MYO18A: variants seen among roughly 807,000 people sequenced by gnomAD.
MYO18A encodes the protein myosin XVIIIA.
MYO18A carries 78 observed loss-of-function variants against 235.8 expected under a neutral mutation model. The observed-to-expected ratio is 0.33, with a 90% CI of 0.28 to 0.40. MYO18A has a LOEUF of 0.40. Ranked by LOEUF, MYO18A falls within the 10% of genes least tolerant of loss-of-function variation. MYO18A has a pLI of 1.00. For synonymous variants in MYO18A, 977 were observed against 1,077.8 expected (o/e 0.91, Z 1.83); for missense variants, 2,215 against 2,699.3 (o/e 0.82, Z 3.98).
At chr17:29,168,341 G>A (rs1487711955) in intron 1 of MYO18A, among the ~76,000 whole-genome samples, 1 of 152,168 alleles carries the variant, frequency 6.6e-6, no homozygotes, top group African/African-American at 2.4e-5. Context: ...CCAACCCCCT[G>A]CACATCTAAC....
intron 2 of MYO18A, among the ~76,000 whole-genome samples, chr17:29,154,436 T>G (rs2068024628): frequency 6.6e-6 from 1 of 152,206 alleles, no homozygotes. Flanking sequence ...TCAGAAATCC[T>G]GAGGCCAGAA....
chr17:29,119,627 G>C (rs1016234279), intron 7 of MYO18A, among the ~76,000 whole-genome samples, 192 bp from the exon 8 acceptor site: 1 of 146,620 alleles, frequency 6.8e-6, no homozygotes, highest in Non-Finnish European at 1.5e-5. Flanking sequence ...GCAGTGGAGC[G>C]ATCTTGGCTC....
At chr17:29,083,506 C>CACACACACACACA (rs2066168985) in intron 40 of MYO18A, among the ~76,000 whole-genome samples, 3 of 75,954 alleles carry the variant, frequency 3.9e-5, no homozygotes, top group South Asian at 4.3e-4. Flanking sequence ...AAATAAACAG[C>CACACACACACACA]CACACAGGCA....
rs200573372 is a variant in MYO18A, at chr17:29,073,811, C to A, written c.*959G>T. 2 of 1,546,946 alleles carry A rather than the reference C, an allele frequency of 1.3e-6. No individual in the cohort carries two copies. Among genetic ancestry groups the A allele is most frequent in the South Asian group, 2.5e-5 (2 of 81,088 alleles). ...GTGAGGACTCATGTCTAATGAGCAC[C>A]GGCCAAAACTTCCATCTTCAGTTTT... On this transcript the variant is annotated 3_prime_UTR_variant, in exon 42 of 42. Transcript: ENST00000527372.
chr17:29,074,362 CTCCTCCCCCAA>C lies in MYO18A; in HGVS notation c.*397_*407del, dbSNP rs1376453035. ...CCACACGAGAGGGAAGGCACTGCTT[CTCCTCCCCCAA>C]TCCTCCCCATGGACCCAGCAACCTA... On this transcript the variant is annotated 3_prime_UTR_variant, in exon 42 of 42. Transcript: ENST00000527372. The surrounding 1 kb of genome is among the most constrained non-coding windows in gnomAD (Gnocchi z 4.4). The C allele has an allele frequency of 1.4e-6, 1 of 698,188 alleles. No homozygotes were observed. The highest frequency in any genetic ancestry group is 1.8e-5 in the African/African-American group (1 of 55,366). The allele number at this position is 698,188 out of a possible 1,614,324, so 43.2% of individuals were successfully genotyped here.
Position 29,140,335 on chromosome 17 carries a change from C to G in MYO18A, c.1000-18082G>C. On this transcript the variant is annotated intron_variant, in intron 2 of 41. Transcript: ENST00000527372. The surrounding 1 kb of genome is among the most constrained non-coding windows in gnomAD (Gnocchi z 4.2). ...TCCGGGGTGGGGGGTCAGAGGGACA[C>G]TCACCCGCATGGCCTGGCCTGGAGC... 1 of 1,267,962 alleles carries G rather than the reference C, an allele frequency of 7.9e-7. No individual in the cohort carries two copies. The highest frequency in any genetic ancestry group is 1.0e-6 in the Non-Finnish European group (1 of 979,524). 78.5% of individuals were successfully genotyped at this position (1,267,962 alleles called of 1,614,324 possible). A position where few individuals can be genotyped will look rare whatever the true frequency, so the allele number is the denominator to read the frequency against.
intron 22 of MYO18A, 34 bp from the exon 23 acceptor site, chr17:29,099,003 C>T (rs781187522): frequency 3.1e-6 from 5 of 1,610,048 alleles, no homozygotes; most frequent in Non-Finnish European, 4.2e-6. Flanking sequence ...CACAGCGGGG[C>T]TCTCAGTCAC....
rs1251463981 is a variant in MYO18A at position 29,121,598 on chromosome 17, G to A, written c.1320C>T (p.Pro440=). Residue 440 remains proline (P), a synonymous_variant, in exon 5 of 42, where the codon CCC becomes CCT. Coordinates refer to ENST00000527372, the MANE Select transcript of MYO18A (RefSeq NM_078471.4). This position sits in a 1 kb window ranked among gnomAD's most constrained non-coding sequence, Gnocchi z 4.2. ...CACGGGGGCCAAGAACCAGCAGGCT[G>A]GGGCCAGCATACGTGTGCAGCAGGC... The part of the protein sequence containing the change: ...GASLLHTYAG[P]SLLVLGPRGA... 6.2e-7 allele frequency: 1 copy of A among 1,600,486 alleles called. No homozygotes were observed. Among genetic ancestry groups the A allele is most frequent in the Non-Finnish European group, 8.5e-7 (1 of 1,174,054 alleles).
intron 19 of MYO18A, chr17:29,107,407 G>C: frequency 1.9e-6 from 1 of 534,936 alleles, no homozygotes; most frequent in South Asian, 2.2e-5. Context: ...TCCACAGGGG[G>C]ATAGGAAGGC....
intron 2 of MYO18A, among the ~76,000 whole-genome samples, chr17:29,151,752 C>T (rs570945723): frequency 1.3e-5 from 2 of 152,318 alleles, no homozygotes; most frequent in African/African-American, 4.8e-5. Flanking sequence ...CCAAGCCACC[C>T]GCTGCAGGAC....
chr17:29,091,946 TGGGCTGGGCAGG>T, intron 34 of MYO18A: 1 of 329,308 alleles, frequency 3.0e-6, no homozygotes, highest in Non-Finnish European at 5.9e-6. Flanking sequence ...GGCTTGTCAG[TGGGCTGGGCAGG>T]GGGAAGGGGA....
intron 28 of MYO18A, among the ~76,000 whole-genome samples, chr17:29,096,009 C>T (rs1354505062): frequency 1.3e-5 from 2 of 152,142 alleles, no homozygotes; most frequent in African/African-American, 2.4e-5. Context: ...GAAAACCTTC[C>T]TATTTTCCCC....
intron 2 of MYO18A, among the ~76,000 whole-genome samples, chr17:29,137,516 C>A (rs1422760789): frequency 2.0e-5 from 3 of 152,170 alleles, no homozygotes; most frequent in Non-Finnish European, 2.9e-5. Flanking sequence ...TGAACAATAG[C>A]CACAAAATGC....
Position 29,119,353 on chromosome 17 carries a change from C to T in MYO18A, c.1811G>A (p.Cys604Tyr), listed in dbSNP as rs757953966. The change falls in exon 8 of 42, where the codon TGT (cysteine) becomes TAT (tyrosine). Residue 604 changes from cysteine (C) to tyrosine (Y), a missense_variant. Cys to Tyr is a radical substitution (Grantham distance 194). Coordinates refer to ENST00000527372, the MANE Select transcript of MYO18A (RefSeq NM_078471.4). ...TFNVFYYLLA[C>Y]GDGTLRTELH... The stretch of plus-strand genomic sequence containing the variant: ...ATCTCACCTGAGGGTGCCATCCCCA[C>T]AGGCCAGCAGGTAGTAGAAGACGTT... 2.1e-5 allele frequency: 34 copies of T among 1,612,440 alleles called. No individual in the cohort carries two copies. Among genetic ancestry groups the T allele is most frequent in the Non-Finnish European group, 2.6e-5 (31 of 1,179,434 alleles).
intron 1 of MYO18A, among the ~76,000 whole-genome samples, chr17:29,178,555 C>T (rs1276903556): frequency 6.6e-6 from 1 of 152,046 alleles, no homozygotes; most frequent in Non-Finnish European, 1.5e-5. Flanking sequence ...ATATATAACC[C>T]GTCATGTCAA....
chr17:29,094,324 C>T, intron 30 of MYO18A: 3 of 598,610 alleles, frequency 5.0e-6, no homozygotes, highest in Non-Finnish European at 8.9e-6. Flanking sequence ...TGCAGCTTCT[C>T]CGTCTGCCTG....
chr17:29,163,993 G>C (rs556612386), intron 2 of MYO18A, among the ~76,000 whole-genome samples: 4 of 152,350 alleles, frequency 2.6e-5, no homozygotes, highest in African/African-American at 9.6e-5. Flanking sequence ...GGGTTCAAGT[G>C]ATTCTCCTGC....
intron 2 of MYO18A, among the ~76,000 whole-genome samples, chr17:29,127,433 A>ATTTC (rs1318716056): frequency 2.0e-5 from 3 of 152,350 alleles, no homozygotes; most frequent in African/African-American, 4.8e-5. Context: ...CTGAGATGGG[A>ATTTC]CTTTGCTGAG....
In MYO18A at chr17:29,074,768, G is replaced by A. The variant is rs367645315; in HGVS notation, c.*2C>T. On this transcript the variant is annotated 3_prime_UTR_variant, in exon 42 of 42. Transcript: ENST00000527372. This position sits in a 1 kb window ranked among gnomAD's most constrained non-coding sequence, Gnocchi z 4.4. ...GAGAGGGCTGCCAACCACTCCCCTGGGCTATGCGTTAGTCTCCGTCAGCTT... is the reference window on the plus strand; with the variant it reads ...GAGAGGGCTGCCAACCACTCCCCTGAGCTATGCGTTAGTCTCCGTCAGCTT... The A allele has an allele frequency of 6.2e-7, 1 of 1,613,882 alleles. No homozygotes were observed. The highest frequency in any genetic ancestry group is 8.5e-7 in the Non-Finnish European group (1 of 1,179,874).
Sources: gnomAD v4.1 joint callset for allele counts (sites outside exome capture counted in the v4.1 genomes callset) on GRCh38, gnomAD v4.1.1 for gene constraint, Gnocchi (gnomAD v3.1) non-coding constraint, MANE v1.5 for transcripts, NCBI Gene and HGNC (gene_info 2026-07-23, HGNC 2026-07-21) for gene names.